The following EPHA4 variants were observed in gnomAD, a reference collection of about 807,000 sequenced individuals.
EPHA4 encodes the protein ephrin type-A receptor 4.
EPHA4 carries 19 observed loss-of-function variants against 108.3 expected under a neutral mutation model. The observed-to-expected ratio is 0.18, with a 90% confidence interval of 0.12 to 0.26. EPHA4 has a LOEUF of 0.26. Ranked by LOEUF, EPHA4 falls within the 10% of genes least tolerant of loss-of-function variation. EPHA4 has a pLI of 1.00. For synonymous variants in EPHA4, 449 were observed against 455.5 expected, an observed-to-expected ratio of 0.99 and a Z score of 0.18; for missense variants, 917 against 1,254.0, an observed-to-expected ratio of 0.73 and a Z score of 4.06.
chr2:221,523,308 A>G (rs752673670), intron 3 of EPHA4, among the ~76,000 whole-genome samples: 5 of 150,978 alleles, frequency 3.3e-5, no homozygotes, highest in Non-Finnish European at 4.4e-5. Context: ...TTTTTTTGAG[A>G]CGCAGTTTCC....
At chr2:221,559,518 G>A (rs1359669525) in intron 3 of EPHA4, among the ~76,000 whole-genome samples, 1 of 151,842 alleles carries the variant, frequency 6.6e-6, no homozygotes. Flanking sequence ...GACCAGCCTA[G>A]GCAACAGAGT....
Position 221,563,742 on chromosome 2 carries a change from C to T in EPHA4, c.812G>A (p.Gly271Glu), listed in dbSNP as rs941541780. The change falls in exon 3 of 18, where the codon GGA becomes GAA. Residue 271 changes from glycine (G) to glutamate (E), a missense_variant. Gly to Glu is a moderately conservative substitution (Grantham distance 98). Around this residue, in one of 3 missense-constraint regions of EPHA4, gnomAD observed 758 missense variants for 1,076.7 expected, o/e 0.70. Transcript: ENST00000281821. ...LCNAGHEERSGECQACKIGYY... is the reference protein window; with the variant it reads ...LCNAGHEERSEECQACKIGYY... ...ATGGACCCTCTTACCTTGGCATTCT[C>T]CGCTCCGCTCCTCATGCCCAGCGTT... The T allele has an allele frequency of 6.2e-7, 1 of 1,613,968 alleles. No individual in the cohort carries two copies.
At chr2:221,471,459 G>A (rs1189187716) in intron 5 of EPHA4, among the ~76,000 whole-genome samples, 2 of 152,098 alleles carry the variant, frequency 1.3e-5, no homozygotes, top group East Asian at 3.9e-4. Context: ...GAAAGACACT[G>A]GAGGAAAGCT....
rs1694842842 is a variant in EPHA4, at chr2:221,571,666, C to T, written c.91+492G>A. Among the ~76,000 whole-genome samples the T allele has an allele frequency of 6.6e-6, 1 of 152,158 alleles. No homozygotes were observed. Among genetic ancestry groups the T allele is most frequent in the Non-Finnish European group, 1.5e-5 (1 of 68,018 alleles). On this transcript the variant is annotated intron_variant, in intron 1 of 17. Coordinates refer to ENST00000281821, the MANE Select transcript of EPHA4 (RefSeq NM_004438.5). The surrounding 1 kb of genome is among the most constrained non-coding windows in gnomAD (Gnocchi z 6.3). Reference sequence around the variant, plus strand: ...CACGACCGCTGCGCTGCGGAGCAGGCCCCGCAGCCCGGTCCCGAGAAGCGC... The same window carrying T: ...CACGACCGCTGCGCTGCGGAGCAGGTCCCGCAGCCCGGTCCCGAGAAGCGC...
rs1351011809 is a variant in EPHA4 at position 221,567,564 on chromosome 2, G to A, written c.159+1154C>T. On this transcript the variant is annotated intron_variant, in intron 2 of 17. Coordinates refer to ENST00000281821, the MANE Select transcript of EPHA4 (RefSeq NM_004438.5). Reference sequence around the variant, plus strand: ...ACAAACCAATGGCAGTCAAGTTCAGGCAGAAAAAATAGGAAGACAGGGCAA... The same window carrying A: ...ACAAACCAATGGCAGTCAAGTTCAGACAGAAAAAATAGGAAGACAGGGCAA... Among the ~76,000 whole-genome samples, 9 of 152,236 alleles carry A rather than the reference G, an allele frequency of 5.9e-5. No homozygotes were observed. In the East Asian group the frequency reaches 1.5e-3, roughly 26 times the overall value.
chr2:221,501,250 T>C, intron 3 of EPHA4, 78 bp from the exon 4 acceptor site: 1 of 1,314,126 alleles, frequency 7.6e-7, no homozygotes, highest in South Asian at 1.6e-5. Flanking sequence ...GCCACCTCCT[T>C]GTTTCAGAAG....
intron 3 of EPHA4, among the ~76,000 whole-genome samples, chr2:221,525,555 A>G (rs1223981026): frequency 2.0e-5 from 3 of 152,198 alleles, no homozygotes; most frequent in African/African-American, 4.8e-5. Context: ...ACAGTCAGAC[A>G]AACACATTGA....
At chr2:221,504,444 A>G (rs1317118365) in intron 3 of EPHA4, among the ~76,000 whole-genome samples, 3 of 152,132 alleles carry the variant, frequency 2.0e-5, no homozygotes, top group African/African-American at 7.2e-5. Flanking sequence ...AGTCTTGGTA[A>G]CGTAGTATCT....
chr2:221,500,915 G>A, intron 4 of EPHA4, 102 bp downstream of exon 4: 2 of 1,216,384 alleles, frequency 1.6e-6, no homozygotes, highest in Non-Finnish European at 2.2e-6. Context: ...GATCTCAAGT[G>A]CCCCCTGAAT....
intron 3 of EPHA4, among the ~76,000 whole-genome samples, chr2:221,502,822 C>T (rs1483046925): frequency 6.6e-6 from 1 of 152,198 alleles, no homozygotes; most frequent in Non-Finnish European, 1.5e-5. Flanking sequence ...GGAGCACTGA[C>T]AATAAAAGTG....
upstream of EPHA4, chr2:221,573,289 CG>C (rs1694905923): frequency 6.6e-6 from 1 of 152,188 alleles, no homozygotes; most frequent in South Asian, 2.1e-4. The surrounding 1 kb of genome is among the most constrained non-coding windows in gnomAD (Gnocchi z 4.5). Flanking sequence ...CCGACCTAGC[CG>C]GGGCAGCCCT....
At chr2:221,454,952 T>C (rs1048580919) in intron 8 of EPHA4, among the ~76,000 whole-genome samples, 2 of 152,186 alleles carry the variant, frequency 1.3e-5, no homozygotes, top group Non-Finnish European at 2.9e-5. Context: ...GAAATGCTGA[T>C]GGCTTTTCCT....
intron 3 of EPHA4, among the ~76,000 whole-genome samples, chr2:221,556,970 A>G (rs1263613486): frequency 6.6e-6 from 1 of 152,176 alleles, no homozygotes; most frequent in East Asian, 1.9e-4. Context: ...ATATCGTCCA[A>G]AGTTAAAGGG....
chr2:221,420,585 C>T (rs1049555702), intron 17 of EPHA4, 33 bp from the exon 18 acceptor site: 3 of 152,196 alleles, frequency 2.0e-5, no homozygotes, highest in African/African-American at 7.2e-5. Flanking sequence ...TTAGACAAAA[C>T]GTCGACCCAT....
chr2:221,489,568 C>T (rs572952962), intron 4 of EPHA4, among the ~76,000 whole-genome samples: 4 of 152,144 alleles, frequency 2.6e-5, no homozygotes, highest in Non-Finnish European at 5.9e-5. Context: ...CTGAAATCCT[C>T]CCTTTCCCTG....
intron 2 of EPHA4, among the ~76,000 whole-genome samples, chr2:221,567,846 T>A (rs1342923959): frequency 6.6e-6 from 1 of 152,220 alleles, no homozygotes; most frequent in Non-Finnish European, 1.5e-5. Flanking sequence ...ATCAATGGAC[T>A]CAGCCATAAA....
chr2:221,463,776 C>A (rs890267447), intron 5 of EPHA4, among the ~76,000 whole-genome samples: 4 of 152,176 alleles, frequency 2.6e-5, no homozygotes, highest in African/African-American at 9.6e-5. Flanking sequence ...CCTTGTGACA[C>A]CCAAATGGGA....
At chr2:221,518,050 G>A (rs1017802877) in intron 3 of EPHA4, among the ~76,000 whole-genome samples, 1 of 152,246 alleles carries the variant, frequency 6.6e-6, no homozygotes, top group African/African-American at 2.4e-5. Context: ...GCAGCGCAGT[G>A]TTGTTTTACA....
intron 13 of EPHA4, among the ~76,000 whole-genome samples, chr2:221,435,547 AAATG>A (rs894890906): frequency 1.3e-5 from 2 of 152,196 alleles, no homozygotes; most frequent in African/African-American, 4.8e-5. Context: ...TGCAGATGCA[AAATG>A]AAGAGTGTTA....
Sources: allele counts gnomAD v4.1 joint callset (sites outside exome capture counted in the v4.1 genomes callset), GRCh38; gene constraint gnomAD v4.1.1; regional missense constraint gnomAD v4.1.1; non-coding constraint Gnocchi (gnomAD v3.1); transcripts MANE v1.5; gene names NCBI Gene and HGNC (gene_info 2026-07-23, HGNC 2026-07-21).